The following TPRG1 variants were observed in gnomAD, a reference collection of about 807,000 sequenced individuals.
TPRG1 encodes the protein tumor protein p63-regulated gene 1 protein.
In TPRG1, 29 loss-of-function variants were observed where a neutral mutation model predicts 29.3. That is an observed-to-expected ratio of 0.99 (90% CI 0.74 to 1.35). The LOEUF (loss-of-function observed/expected upper bound fraction) is 1.35. Ranked by LOEUF, TPRG1 falls within the 40% of genes most tolerant of loss-of-function variation. TPRG1 has a pLI of 0.00. For missense variants in TPRG1, 327 were observed against 335.0 expected (o/e 0.98, Z 0.19); for synonymous variants, 130 against 116.8 (o/e 1.11, Z -0.73).
Position 189,078,072 on chromosome 3 carries a change from T to C in TPRG1, c.-462-48985T>C, listed in dbSNP as rs1161076946. 1.4e-4 allele frequency among the ~76,000 whole-genome samples: 13 copies of C among 93,636 alleles called. No homozygotes were observed. The East Asian group carries it at 3.7e-3, about 26-fold the overall frequency. 61.4% of individuals were successfully genotyped at this position (93,636 alleles called of 152,430 possible). On this transcript the variant is annotated intron_variant, in intron 4 of 10. Transcript: ENST00000433971. ...CCTTCCTTCCTTCCTTTCTCTCCTT[T>C]CTCTCTTTCTCTCTTTCTCTCTTTC...
chr3:189,137,928 T>C (rs150930365), intron 3 of TPRG1, among the ~76,000 whole-genome samples: 1 of 152,144 alleles, frequency 6.6e-6, no homozygotes. Context: ...AGCTGGAAGA[T>C]GTAGCCTTAG....
intron 4 of TPRG1, among the ~76,000 whole-genome samples, chr3:189,281,647 T>G (rs1717148815): frequency 6.6e-6 from 1 of 152,120 alleles, no homozygotes; most frequent in Non-Finnish European, 1.5e-5. Context: ...ATAAGAAGTA[T>G]TTTTTTCATC....
chr3:189,127,524 G>A (rs1032399957), intron 2 of TPRG1, among the ~76,000 whole-genome samples: 2 of 152,154 alleles, frequency 1.3e-5, no homozygotes, highest in South Asian at 2.1e-4. Context: ...TGAAAGTCAC[G>A]TTTGCTTTGG....
intron 1 of TPRG1, among the ~76,000 whole-genome samples, chr3:189,196,632 C>G (rs1578768599): frequency 6.6e-6 from 1 of 152,140 alleles, no homozygotes; most frequent in Admixed American, 6.5e-5. Flanking sequence ...GACTCAGTTA[C>G]CTCCCACTGG....
At chr3:189,110,999 G>A (rs1267447036) in intron 1 of TPRG1, among the ~76,000 whole-genome samples, 1 of 151,832 alleles carries the variant, frequency 6.6e-6, no homozygotes, top group Non-Finnish European at 1.5e-5. Flanking sequence ...TGGAAGTTAA[G>A]TAGTATGAGT....
intron 1 of TPRG1, among the ~76,000 whole-genome samples, chr3:189,185,020 TAAG>T (rs1730730025): frequency 1.3e-5 from 2 of 152,220 alleles, no homozygotes; most frequent in South Asian, 2.1e-4. Flanking sequence ...CAAAGCCTGT[TAAG>T]GAGGTAGGAA....
intron 4 of TPRG1, among the ~76,000 whole-genome samples, chr3:189,148,690 A>T (rs1217041917): frequency 6.6e-6 from 1 of 152,276 alleles, no homozygotes; most frequent in African/African-American, 2.4e-5. Flanking sequence ...GCTCTAGATT[A>T]TACAGCCAGA....
chr3:189,289,417 T>C (rs1277148953), intron 4 of TPRG1, among the ~76,000 whole-genome samples: 2 of 151,674 alleles, frequency 1.3e-5, no homozygotes, highest in East Asian at 1.9e-4. Context: ...TTTTTTTTTT[T>C]CTCTTGCTTC....
At chr3:189,074,947 G>A (rs1578292843) in intron 4 of TPRG1, among the ~76,000 whole-genome samples, 1 of 151,676 alleles carries the variant, frequency 6.6e-6, no homozygotes, top group South Asian at 2.1e-4. Context: ...GAGTAGCTGG[G>A]ACTACAGGCG....
intron 4 of TPRG1, among the ~76,000 whole-genome samples, chr3:189,063,767 G>A (rs1255594082): frequency 1.3e-5 from 2 of 152,152 alleles, no homozygotes; most frequent in Admixed American, 1.3e-4. Context: ...AAGCAGTCCT[G>A]AGAGGGAAAT....
chr3:189,031,497 T>A (rs1444165102), intron 4 of TPRG1, among the ~76,000 whole-genome samples: 1 of 152,128 alleles, frequency 6.6e-6, no homozygotes, highest in African/African-American at 2.4e-5. Flanking sequence ...CAACATTGGG[T>A]GGTAGGTTAG....
intron 4 of TPRG1, among the ~76,000 whole-genome samples, chr3:189,248,413 T>A (rs1015358362): frequency 2.6e-5 from 4 of 151,792 alleles, no homozygotes; most frequent in African/African-American, 9.7e-5. Context: ...GTACCACTTC[T>A]TTTGGGTTTA....
In TPRG1 at chr3:189,289,743, A is replaced by G. The variant is rs1408369466; in HGVS notation, c.480-20643A>G. Reference sequence around the variant, plus strand: ...TCTTACCAGTCTTTCAATCTATTCAACTTAAATCTATCAGATTACCTTATT... The same window carrying G: ...TCTTACCAGTCTTTCAATCTATTCAGCTTAAATCTATCAGATTACCTTATT... On this transcript the variant is annotated intron_variant, in intron 4 of 5. Coordinates refer to ENST00000345063, the MANE Select transcript of TPRG1 (RefSeq NM_198485.4). Among the ~76,000 whole-genome samples the G allele has an allele frequency of 2.0e-5, 3 of 152,160 alleles. No individual in the cohort carries two copies. In the East Asian group the frequency reaches 5.8e-4, roughly 29 times the overall value.
intron 4 of TPRG1, among the ~76,000 whole-genome samples, chr3:189,041,565 A>C (rs923215250): frequency 1.3e-5 from 2 of 152,322 alleles, no homozygotes; most frequent in Non-Finnish European, 2.9e-5. Flanking sequence ...CACATGGGGC[A>C]TGGGCAAGGC....
In TPRG1 at chr3:189,221,118, CTT is replaced by C. The variant is rs571570461; in HGVS notation, c.302+5737_302+5738del. ...TATGTATCAGTGGGGCAGAGTAAGACTTTATGATTGGAAAGATAAATGAAACT... is the reference window on the plus strand; with the variant it reads ...TATGTATCAGTGGGGCAGAGTAAGACTATGATTGGAAAGATAAATGAAACT... On this transcript the variant is annotated intron_variant, in intron 3 of 5. Transcript: ENST00000345063. Among the ~76,000 whole-genome samples the C allele has an allele frequency of 3.0e-4, 45 of 152,230 alleles. No individual in the cohort carries two copies. In the South Asian group the frequency reaches 9.1e-3, roughly 31 times the overall value.
At chr3:189,195,367 G>A (rs1181087585) in intron 1 of TPRG1, among the ~76,000 whole-genome samples, 1 of 152,176 alleles carries the variant, frequency 6.6e-6, no homozygotes, top group African/African-American at 2.4e-5. Context: ...GGCAGCGGGA[G>A]TGGTAGGTGA....
intron 4 of TPRG1, among the ~76,000 whole-genome samples, chr3:189,069,973 C>CG (rs1388190501): frequency 2.8e-4 from 42 of 151,856 alleles, no homozygotes; most frequent in Admixed American, 1.9e-3. Flanking sequence ...CCCAGCTACT[C>CG]GGGAGGCTGA....
chr3:189,092,611 T>C (rs1718412370), intron 4 of TPRG1, among the ~76,000 whole-genome samples: 1 of 152,122 alleles, frequency 6.6e-6, no homozygotes, highest in African/African-American at 2.4e-5. Context: ...TCTATTGCTG[T>C]GACTGTGGGT....
chr3:189,116,124 T>A (rs1373921121), intron 1 of TPRG1, among the ~76,000 whole-genome samples: 1 of 151,994 alleles, frequency 6.6e-6, no homozygotes, highest in Non-Finnish European at 1.5e-5. Flanking sequence ...ATCCAGCAAT[T>A]CTACTTTTGG....
Sources: allele counts gnomAD v4.1 joint callset (sites outside exome capture counted in the v4.1 genomes callset), GRCh38; gene constraint gnomAD v4.1.1; transcripts MANE v1.5; gene names NCBI Gene and HGNC (gene_info 2026-07-23, HGNC 2026-07-21).